The following CDYL variants were observed in gnomAD, a reference collection of about 807,000 sequenced individuals.
The protein encoded by CDYL is chromodomain Y-like protein.
A neutral mutation model predicts 47.3 loss-of-function variants in CDYL; 8 were observed. The ratio of observed to expected loss-of-function variants is 0.17; its 90% CI spans 0.10 to 0.31. The LOEUF (loss-of-function observed/expected upper bound fraction) is 0.31, where lower values mean the gene tolerates loss of function less well. Among genes scored for constraint, CDYL ranks in the 10% least tolerant of loss-of-function variants. The pLI is 1.00. For synonymous variants in CDYL, 266 were observed against 265.0 expected (o/e 1.00, Z -0.04); for missense variants, 471 against 701.4 (o/e 0.67, Z 3.71).
intron 2 of CDYL, among the ~76,000 whole-genome samples, chr6:4,898,652 C>T (rs1443512551): frequency 1.3e-5 from 2 of 152,120 alleles, no homozygotes; most frequent in African/African-American, 4.8e-5. Flanking sequence ...TCCTCAGTTC[C>T]TCAGAGTGAG....
intron 3 of CDYL, among the ~76,000 whole-genome samples, chr6:4,762,148 A>G (rs990374068): frequency 1.3e-5 from 2 of 152,200 alleles, no homozygotes; most frequent in Admixed American, 6.5e-5. Context: ...GTCCTGGTGG[A>G]TGAACTCTTC....
intron 1 of CDYL, among the ~76,000 whole-genome samples, chr6:4,805,285 T>C (rs937495975): frequency 2.6e-5 from 4 of 151,926 alleles, no homozygotes; most frequent in East Asian, 1.9e-4. Flanking sequence ...CTGCTCCCCA[T>C]TGGGGGAAAA....
intron 2 of CDYL, among the ~76,000 whole-genome samples, chr6:4,932,859 T>C (rs183801804): frequency 4.6e-5 from 7 of 152,342 alleles, no homozygotes; most frequent in Admixed American, 2.0e-4. Flanking sequence ...TAACAACTGC[T>C]GTGCCCACGT....
intron 1 of CDYL, among the ~76,000 whole-genome samples, chr6:4,822,432 T>C (rs1759867195): frequency 6.6e-6 from 1 of 152,194 alleles, no homozygotes; most frequent in South Asian, 2.1e-4. Flanking sequence ...AAAAAATCAA[T>C]GGTACCATTC....
chr6:4,918,224 A>G (rs1016006381), intron 2 of CDYL, among the ~76,000 whole-genome samples: 2 of 112,536 alleles, frequency 1.8e-5, no homozygotes, highest in East Asian at 2.7e-4. Context: ...AGATGTGATC[A>G]ATAATAAGAT....
intron 3 of CDYL, among the ~76,000 whole-genome samples, chr6:4,767,248 T>A (rs980667469): frequency 1.9e-4 from 28 of 146,596 alleles, no homozygotes; most frequent in African/African-American, 6.7e-4. Flanking sequence ...AAATTCAATA[T>A]TCATTCATGA....
At chr6:4,763,045 A>T (rs1045617656) in intron 3 of CDYL, among the ~76,000 whole-genome samples, 1 of 152,182 alleles carries the variant, frequency 6.6e-6, no homozygotes, top group African/African-American at 2.4e-5. Flanking sequence ...CAAGAGAAGA[A>T]AGATAGATTA....
rs575989527 is a variant in CDYL, at chr6:4,836,195, G to C, written c.25-55518G>C. 7.5e-4 allele frequency: 490 copies of C among 650,320 alleles called. 1 individual carries two copies. Among genetic ancestry groups the C allele is most frequent in the South Asian group, 3.9e-3 (57 of 14,460 alleles). 40.3% of individuals were successfully genotyped at this position (650,320 alleles called of 1,614,324 possible). A position where few individuals can be genotyped will look rare whatever the true frequency, so the allele number is the denominator to read the frequency against. On this transcript the variant is annotated intron_variant, in intron 1 of 6. Coordinates refer to ENST00000397588, the MANE Select transcript of CDYL (RefSeq NM_004824.4). ...TCGCTCACGCTGGGAGCTGTAGACC[G>C]GAGCTGTTCCTATTCGGCCATCTTG...
At chr6:4,771,333 GGAACTCCT>G (rs1758335453) in intron 3 of CDYL, among the ~76,000 whole-genome samples, 1 of 152,070 alleles carries the variant, frequency 6.6e-6, no homozygotes, top group Admixed American at 6.6e-5. Flanking sequence ...AGGCTGGTCT[GGAACTCCT>G]GAGCTCAGGT....
chr6:4,803,598 T>TCAGACCA (rs1759285198), intron 1 of CDYL, among the ~76,000 whole-genome samples: 2 of 152,110 alleles, frequency 1.3e-5, no homozygotes, highest in South Asian at 4.1e-4. Flanking sequence ...CTTGAGAGTG[T>TCAGACCA]AGCCCCTGAC....
At chr6:4,916,415 T>C (rs1757558013) in intron 2 of CDYL, among the ~76,000 whole-genome samples, 1 of 152,212 alleles carries the variant, frequency 6.6e-6, no homozygotes, top group Non-Finnish European at 1.5e-5. Context: ...GTGGATAATT[T>C]CCTCAAAGAA....
At chr6:4,837,597 T>C (rs1760359595) in intron 1 of CDYL, among the ~76,000 whole-genome samples, 1 of 151,518 alleles carries the variant, frequency 6.6e-6, no homozygotes, top group South Asian at 2.1e-4. Flanking sequence ...CATGAGTTTC[T>C]GGGATTACAG....
At chr6:4,805,571 C>T (rs959518963) in intron 1 of CDYL, among the ~76,000 whole-genome samples, 5 of 152,150 alleles carry the variant, frequency 3.3e-5, no homozygotes, top group African/African-American at 9.6e-5. Context: ...AGCTGGAGGC[C>T]CCGGAAAGTG....
chr6:4,756,573 C>CGTGTGTCTGTGTGTGTGTGTGT (rs1228739911), intron 3 of CDYL, among the ~76,000 whole-genome samples: 4 of 125,280 alleles, frequency 3.2e-5, no homozygotes, highest in African/African-American at 1.6e-4. Flanking sequence ...TTAAAATTAT[C>CGTGTGTCTGTGTGTGTGTGTGT]GTGTGTATGT....
intron 1 of CDYL, among the ~76,000 whole-genome samples, chr6:4,873,498 C>T (rs1761531638): frequency 6.6e-6 from 1 of 151,896 alleles, no homozygotes; most frequent in Non-Finnish European, 1.5e-5. Flanking sequence ...ATTTGGTTTC[C>T]TTATGGGAAG....
At chr6:4,828,865 T>C (rs140586738) in intron 1 of CDYL, among the ~76,000 whole-genome samples, 1 of 151,824 alleles carries the variant, frequency 6.6e-6, no homozygotes, top group Non-Finnish European at 1.5e-5. Flanking sequence ...AGTTCGTTGA[T>C]TAATTTTTTT....
At chr6:4,852,451 TCTTC>T (rs529318531) in intron 1 of CDYL, among the ~76,000 whole-genome samples, 3 of 119,954 alleles carry the variant, frequency 2.5e-5, no homozygotes, top group Non-Finnish European at 3.6e-5. Flanking sequence ...TTCCTTCCAA[TCTTC>T]CTTCCTTCCT....
intron 2 of CDYL, among the ~76,000 whole-genome samples, chr6:4,925,872 G>A (rs1045451176): frequency 6.6e-6 from 1 of 152,118 alleles, no homozygotes; most frequent in African/African-American, 2.4e-5. Flanking sequence ...AATAAGAATA[G>A]CCCGGCAGGA....
At chr6:4,812,900 A>C (rs1409008720) in intron 1 of CDYL, among the ~76,000 whole-genome samples, 1 of 152,066 alleles carries the variant, frequency 6.6e-6, no homozygotes, top group Non-Finnish European at 1.5e-5. Flanking sequence ...GTATATGTGC[A>C]TTTGTATGTG....
Sources: gnomAD v4.1 joint callset for allele counts (sites outside exome capture counted in the v4.1 genomes callset) on GRCh38, gnomAD v4.1.1 for gene constraint, MANE v1.5 for transcripts, NCBI Gene and HGNC (gene_info 2026-07-23, HGNC 2026-07-21) for gene names.